CALN1: variants seen among roughly 807,000 people sequenced by gnomAD.
The protein encoded by CALN1 is calcium-binding protein 8.
Under a neutral mutation model 30.6 loss-of-function variants are expected in CALN1, and 17 were observed. The ratio of observed to expected loss-of-function variants is 0.56; its 90% CI spans 0.38 to 0.83. CALN1 has a LOEUF of 0.83. CALN1 is among the 40% of genes least tolerant of loss of function. CALN1 has a pLI of 0.00. For synonymous variants in CALN1, 156 were observed against 131.4 expected (o/e 1.19, Z -1.28); for missense variants, 291 against 354.9 (o/e 0.82, Z 1.45).
intron 2 of CALN1, among the ~76,000 whole-genome samples, chr7:72,363,192 T>C (rs1803667023): frequency 1.3e-5 from 2 of 152,224 alleles, no homozygotes; most frequent in Non-Finnish European, 2.9e-5. Context: ...CACCCTCTGA[T>C]AGGCCCCAGT....
chr7:71,974,887 C>T (rs1179081043), intron 5 of CALN1, among the ~76,000 whole-genome samples: 2 of 152,174 alleles, frequency 1.3e-5, no homozygotes, highest in Non-Finnish European at 2.9e-5. Context: ...CCAGCACAGG[C>T]TCCATTTGGG....
the CALN1 span, among the ~76,000 whole-genome samples, chr7:72,490,161 T>C: frequency 6.6e-6 from 1 of 151,522 alleles, no homozygotes; most frequent in African/African-American, 2.4e-5. Context: ...TTCAAAAGAG[T>C]CCTCCAGAAA....
intron 2 of CALN1, among the ~76,000 whole-genome samples, chr7:72,398,335 T>C (rs879193049): frequency 2.0e-5 from 3 of 152,234 alleles, no homozygotes; most frequent in Admixed American, 2.0e-4. Flanking sequence ...AAAGTTCCCT[T>C]TGAATTTCCA....
At chr7:72,280,225 CACA>C (rs1451822344) in intron 2 of CALN1, among the ~76,000 whole-genome samples, 2 of 152,318 alleles carry the variant, frequency 1.3e-5, no homozygotes, top group East Asian at 1.9e-4. Flanking sequence ...TTTCGCTCAT[CACA>C]ACAACTGGGA....
intron 5 of CALN1, among the ~76,000 whole-genome samples, chr7:71,831,883 A>AC (rs1206834019): frequency 6.7e-6 from 1 of 149,484 alleles, no homozygotes; most frequent in Non-Finnish European, 1.5e-5. Context: ...AAAAAAAAAA[A>AC]AAAAAAAAAA....
At chr7:72,208,909 T>C (rs1012148357) in intron 3 of CALN1, among the ~76,000 whole-genome samples, 1 of 152,146 alleles carries the variant, frequency 6.6e-6, no homozygotes, top group Non-Finnish European at 1.5e-5. Flanking sequence ...CATCACCATT[T>C]CCAGGACTCA....
the CALN1 span, among the ~76,000 whole-genome samples, chr7:72,453,845 A>G: frequency 6.6e-6 from 1 of 152,200 alleles, no homozygotes; most frequent in Non-Finnish European, 1.5e-5. Context: ...ATTATAAGAG[A>G]GAGTGAAGTT....
chr7:72,117,797 A>C (rs1396681148), intron 3 of CALN1, among the ~76,000 whole-genome samples: 1 of 151,980 alleles, frequency 6.6e-6, no homozygotes, highest in Non-Finnish European at 1.5e-5. Flanking sequence ...ATCTTTACTA[A>C]AAATACAAAA....
intron 3 of CALN1, among the ~76,000 whole-genome samples, chr7:72,125,799 C>CTTTTTT (rs61475416): frequency 3.5e-3 from 405 of 114,734 alleles, no homozygotes; most frequent in Middle Eastern, 0.011. Flanking sequence ...CTGTATCATT[C>CTTTTTT]TTTTTTTTTT....
At chr7:72,010,109 G>T (rs928831592) in intron 5 of CALN1, among the ~76,000 whole-genome samples, 14 of 152,070 alleles carry the variant, frequency 9.2e-5, no homozygotes, top group African/African-American at 3.4e-4. Flanking sequence ...GAAAATCACT[G>T]GAAAAATCCA....
chr7:72,443,809 G>A (rs1055451624), intron 1 of CALN1, among the ~76,000 whole-genome samples: 1 of 151,228 alleles, frequency 6.6e-6, no homozygotes, highest in Admixed American at 6.6e-5. Flanking sequence ...GTTAGGTGGT[G>A]GTATTCACTT....
At position 71,786,958 on chromosome 7, in the gene CALN1, A is replaced by G. The variant is rs1354596381; in HGVS notation, c.*817T>C. 1 of 152,612 alleles carries G rather than the reference A, an allele frequency of 6.6e-6. No individual in the cohort carries two copies. The highest frequency in any genetic ancestry group is 1.5e-5 in the Non-Finnish European group (1 of 68,032). The allele number at this position is 152,612 out of a possible 1,614,324, so 9.5% of individuals were successfully genotyped here. On this transcript the variant is annotated 3_prime_UTR_variant, in exon 7 of 7. Coordinates refer to ENST00000395275, the MANE Select transcript of CALN1 (RefSeq NM_031468.4). ...ATGACATCACACACGAAGAAGCCAA[A>G]TATATATATCTGTCTATGTTATAGA...
rs537341089 is a variant in CALN1, at chr7:72,336,222, A to G, written c.120-57412T>C. 3.9e-5 allele frequency among the ~76,000 whole-genome samples: 6 copies of G among 152,204 alleles called. No individual in the cohort carries two copies. In the East Asian group the frequency reaches 1.2e-3, roughly 30 times the overall value. On this transcript the variant is annotated intron_variant, in intron 2 of 6. Transcript: ENST00000395275. ...CTGCCTCCCGCCTCCCCCGATCGCC[A>G]TGACTCCGGCTTCGCGAAGAGACCT...
chr7:71,959,414 G>C (rs1293441253), intron 5 of CALN1, among the ~76,000 whole-genome samples: 1 of 152,180 alleles, frequency 6.6e-6, no homozygotes, highest in African/African-American at 2.4e-5. Context: ...CCTAAGATGG[G>C]TGAGAGGCAA....
In CALN1 at chr7:71,981,720, A is replaced by G. The variant is rs557129564; in HGVS notation, c.501+41937T>C. Among the ~76,000 whole-genome samples, 7 of 151,568 alleles carry G rather than the reference A, an allele frequency of 4.6e-5. No individual in the cohort carries two copies. In the South Asian group the frequency reaches 1.5e-3, roughly 32 times the overall value. On this transcript the variant is annotated intron_variant, in intron 5 of 6. Transcript: ENST00000395275. ...AGGGTTCAGTTTGGGGAGCTTCTGG[A>G]TAGCTGAACACGTGGAAGTTCCTGG... is the stretch of plus-strand genomic sequence containing the variant.
At chr7:71,838,113 T>G (rs1011996313) in intron 5 of CALN1, among the ~76,000 whole-genome samples, 7 of 152,180 alleles carry the variant, frequency 4.6e-5, no homozygotes, top group Non-Finnish European at 8.8e-5. Flanking sequence ...TTCCAGATTT[T>G]GTTCTGCGGA....
chr7:71,922,794 G>A lies in CALN1; in HGVS notation c.501+100863C>T, dbSNP rs536548581. Among the ~76,000 whole-genome samples, 251 of 132,784 alleles carry A rather than the reference G, an allele frequency of 1.9e-3. 1 individual carries two copies. Among genetic ancestry groups the A allele is most frequent in the African/African-American group, 6.6e-3 (235 of 35,570 alleles). The allele number at this position is 132,784 out of a possible 152,430, so 87.1% of individuals were successfully genotyped here. ...ATTATATATAAATATATAACAGACCGAATATATTATATATAAATATATAAT... is the reference window on the plus strand; with the variant it reads ...ATTATATATAAATATATAACAGACCAAATATATTATATATAAATATATAAT... On this transcript the variant is annotated intron_variant, in intron 5 of 6. Transcript: ENST00000395275.
chr7:71,957,761 G>A (rs1034058648), intron 5 of CALN1, among the ~76,000 whole-genome samples: 1 of 151,800 alleles, frequency 6.6e-6, no homozygotes, highest in Admixed American at 6.6e-5. Flanking sequence ...CTCACACCTC[G>A]CACTAAGAAA....
chr7:71,854,506 G>A lies in CALN1; in HGVS notation c.502-44014C>T, dbSNP rs1301388314. ...AGGTCAGAAGCAATTATAGCAAGTT[G>A]GTGATGTTTGTTCATTCTGCATTGT... is the stretch of plus-strand genomic sequence containing the variant. On this transcript the variant is annotated intron_variant, in intron 5 of 6. Transcript: ENST00000395275. Among the ~76,000 whole-genome samples the A allele has an allele frequency of 2.0e-5, 3 of 152,292 alleles. No individual in the cohort carries two copies. In the East Asian group the frequency reaches 5.8e-4, roughly 29 times the overall value.
Sources: gnomAD v4.1 joint callset for allele counts (sites outside exome capture counted in the v4.1 genomes callset) on GRCh38, gnomAD v4.1.1 for gene constraint, MANE v1.5 for transcripts, NCBI Gene and HGNC (gene_info 2026-07-23, HGNC 2026-07-21) for gene names.